The following GRIA1 variants were observed in gnomAD, a reference collection of about 807,000 sequenced individuals.
GRIA1 encodes glutamate receptor 1.
GRIA1 carries 31 observed loss-of-function variants against 99.2 expected under a neutral mutation model. The observed-to-expected ratio is 0.31, with a 90% CI of 0.23 to 0.42. GRIA1 has a LOEUF of 0.42. Among genes scored for constraint, GRIA1 ranks in the 10% least tolerant of loss-of-function variants. GRIA1 has a pLI of 1.00. For synonymous variants in GRIA1, 438 were observed against 432.4 expected, an observed-to-expected ratio of 1.01 and a Z score of -0.16; for missense variants, 782 against 1,157.5, an observed-to-expected ratio of 0.68 and a Z score of 4.71.
At chr5:153,550,807 G>A (rs917755656) in intron 2 of GRIA1, among the ~76,000 whole-genome samples, 23 of 152,142 alleles carry the variant, frequency 1.5e-4, no homozygotes, top group Non-Finnish European at 3.4e-4. Context: ...GCTTGAGAAA[G>A]CACAGATTGC....
At chr5:153,782,216 A>T (rs1163120566) in intron 13 of GRIA1, among the ~76,000 whole-genome samples, 5 of 152,254 alleles carry the variant, frequency 3.3e-5, no homozygotes, top group African/African-American at 1.2e-4. Context: ...ATAATGAATC[A>T]GTGGCACAGA....
chr5:153,547,885 G>C (rs1581210999), intron 2 of GRIA1, among the ~76,000 whole-genome samples: 1 of 152,224 alleles, frequency 6.6e-6, no homozygotes, highest in East Asian at 1.9e-4. Context: ...GAGGTGACCA[G>C]GAGTCAGGTA....
chr5:153,769,543 G>C (rs760435931), intron 12 of GRIA1, among the ~76,000 whole-genome samples: 2 of 152,088 alleles, frequency 1.3e-5, no homozygotes, highest in Non-Finnish European at 2.9e-5. Flanking sequence ...AAATACGGAA[G>C]GCAGGTGGGC....
intron 7 of GRIA1, among the ~76,000 whole-genome samples, chr5:153,679,301 C>CAAAG (rs1473211416): frequency 6.6e-6 from 1 of 151,980 alleles, no homozygotes; most frequent in Non-Finnish European, 1.5e-5. Flanking sequence ...AACAAACAAA[C>CAAAG]AAATAAACCA....
At chr5:153,564,096 G>A (rs1409658162) in intron 2 of GRIA1, among the ~76,000 whole-genome samples, 1 of 152,000 alleles carries the variant, frequency 6.6e-6, no homozygotes, top group African/African-American at 2.4e-5. Context: ...CCTCCTCTTG[G>A]GCAAGTCTAG....
In GRIA1 at chr5:153,634,492, G is replaced by A. The variant is rs145956637; in HGVS notation, c.221-12436G>A. The stretch of plus-strand genomic sequence containing the variant: ...TGTAAAACCTCAAGGCAAGAAAGTC[G>A]GGACTGTCCTGAAAGGTAAGAGAAA... On this transcript the variant is annotated intron_variant, in intron 2 of 15. Coordinates refer to ENST00000285900, the MANE Select transcript of GRIA1 (RefSeq NM_000827.4). Among the ~76,000 whole-genome samples, 39 of 152,108 alleles carry A rather than the reference G, an allele frequency of 2.6e-4. No homozygotes were observed. The South Asian group carries it at 6.4e-3, about 25-fold the overall frequency.
chr5:153,676,828 C>T (rs1296770617), intron 6 of GRIA1, among the ~76,000 whole-genome samples, 166 bp from the exon 7 acceptor site: 2 of 152,158 alleles, frequency 1.3e-5, no homozygotes, highest in African/African-American at 4.8e-5. Flanking sequence ...TTATGCTTCT[C>T]AGGGACACCA....
chr5:153,793,540 G>A (rs1176982246), intron 13 of GRIA1, among the ~76,000 whole-genome samples: 1 of 152,212 alleles, frequency 6.6e-6, no homozygotes, highest in Non-Finnish European at 1.5e-5. Context: ...AACTAGGTTA[G>A]GTGTTGAAGG....
chr5:153,759,406 G>T (rs988053012), intron 11 of GRIA1, among the ~76,000 whole-genome samples: 16 of 151,716 alleles, frequency 1.1e-4, no homozygotes, highest in African/African-American at 3.9e-4. Context: ...AAATATAAAG[G>T]ATCATAAGAG....
intron 5 of GRIA1, among the ~76,000 whole-genome samples, chr5:153,666,456 C>T (rs534874904): frequency 2.6e-5 from 4 of 152,294 alleles, no homozygotes; most frequent in African/African-American, 9.6e-5. Flanking sequence ...AAGCCTGATA[C>T]TTCCTTCTTG....
At chr5:153,656,478 A>G (rs997870625) in intron 5 of GRIA1, among the ~76,000 whole-genome samples, 13 of 149,458 alleles carry the variant, frequency 8.7e-5, no homozygotes, top group African/African-American at 3.2e-4. Flanking sequence ...CAAAGAAAAC[A>G]ACTCATCAAA....
At position 153,610,000 on chromosome 5, in the gene GRIA1, A is replaced by G. The variant is rs543658381; in HGVS notation, c.221-36928A>G. 2.6e-5 allele frequency among the ~76,000 whole-genome samples: 4 copies of G among 152,306 alleles called. No individual in the cohort carries two copies. The East Asian group carries it at 5.8e-4, about 22-fold the overall frequency. On this transcript the variant is annotated intron_variant, in intron 2 of 15. Transcript: ENST00000285900. Reference sequence around the variant, plus strand: ...CTAGAGAAGAACTCCTAAAGCCCCTATGGGGTTGGCATCATTCTACTGTCT... The same window carrying G: ...CTAGAGAAGAACTCCTAAAGCCCCTGTGGGGTTGGCATCATTCTACTGTCT...
intron 2 of GRIA1, among the ~76,000 whole-genome samples, chr5:153,597,400 A>G (rs777061809): frequency 1.3e-5 from 2 of 152,138 alleles, no homozygotes; most frequent in African/African-American, 2.4e-5. Flanking sequence ...GGGATCACCA[A>G]ATCTTTTTCA....
rs537665686 is a variant in GRIA1 at position 153,671,675 on chromosome 5, C to T, written c.700-2825C>T. On this transcript the variant is annotated intron_variant, in intron 5 of 15. Transcript: ENST00000285900. ...TATTTGCTGCCTGCTGGTCATATTT[C>T]TCCTGGATAATTGGCTTTCTTTCTT... Among the ~76,000 whole-genome samples the T allele has an allele frequency of 8.5e-5, 13 of 152,306 alleles. No individual in the cohort carries two copies. The South Asian group carries it at 2.7e-3, about 32-fold the overall frequency.
At chr5:153,770,116 C>T (rs1019439389) in intron 12 of GRIA1, 52 bp from the exon 13 acceptor site, 30 of 1,591,750 alleles carry the variant, frequency 1.9e-5, no homozygotes, top group Admixed American at 1.2e-4. Context: ...ATGTGTGCAC[C>T]GACCCCAATT....
chr5:153,500,337 C>G (rs1030289104), intron 2 of GRIA1, among the ~76,000 whole-genome samples: 3 of 152,158 alleles, frequency 2.0e-5, no homozygotes, highest in Non-Finnish European at 4.4e-5. Flanking sequence ...TGTACTGTCA[C>G]TGCCCCACTC....
intron 2 of GRIA1, among the ~76,000 whole-genome samples, chr5:153,512,932 A>C (rs1008426646): frequency 1.8e-4 from 27 of 152,170 alleles, no homozygotes; most frequent in African/African-American, 6.5e-4. Flanking sequence ...AGACACCAGA[A>C]TACTTGCTCT....
At chr5:153,784,488 G>T (rs985566603) in intron 13 of GRIA1, among the ~76,000 whole-genome samples, 1 of 152,158 alleles carries the variant, frequency 6.6e-6, no homozygotes, top group Non-Finnish European at 1.5e-5. Flanking sequence ...TGCCTGACCA[G>T]CATTTCTTCT....
intron 11 of GRIA1, among the ~76,000 whole-genome samples, chr5:153,730,409 A>T (rs535920409): frequency 2.0e-5 from 3 of 152,242 alleles, no homozygotes; most frequent in Admixed American, 1.3e-4. Flanking sequence ...CCTAATAAAT[A>T]GTATTTTATT....
Sources: gnomAD v4.1 joint callset for allele counts (sites outside exome capture counted in the v4.1 genomes callset) on GRCh38, gnomAD v4.1.1 for gene constraint, MANE v1.5 for transcripts, NCBI Gene and HGNC (gene_info 2026-07-23, HGNC 2026-07-21) for gene names.